RARB: variants seen among roughly 807,000 people sequenced by gnomAD.
RARB encodes HBV-activated protein.
RARB carries 17 observed loss-of-function variants against 51.9 expected under a neutral mutation model. The ratio of observed to expected loss-of-function variants is 0.33; its 90% CI spans 0.22 to 0.49. RARB has a LOEUF of 0.49. Among genes scored for constraint, RARB ranks in the 20% least tolerant of loss-of-function variants. The pLI is 0.99. For missense variants in RARB, 369 were observed against 550.8 expected (o/e 0.67, Z 3.30); for synonymous variants, 215 against 195.4 (o/e 1.10, Z -0.84).
intron 5 of RARB, among the ~76,000 whole-genome samples, chr3:25,403,160 C>CAA (rs532977113): frequency 0.21 from 18,317 of 86,090 alleles, 1,393 homozygotes; most frequent in South Asian, 0.27. Context: ...GACTGCATCT[C>CAA]AAAAAAAAAA....
intron 5 of RARB, among the ~76,000 whole-genome samples, chr3:25,338,136 G>T (rs983576143): frequency 2.4e-5 from 3 of 123,784 alleles, no homozygotes; most frequent in Admixed American, 1.6e-4. Context: ...CACACACACA[G>T]AATTAAGCAA....
intron 2 of RARB, among the ~76,000 whole-genome samples, chr3:25,478,114 G>A (rs995912408): frequency 6.6e-6 from 1 of 152,170 alleles, no homozygotes; most frequent in Non-Finnish European, 1.5e-5. Context: ...GAAGGTTGCA[G>A]AGGACAAGGT....
intron 5 of RARB, among the ~76,000 whole-genome samples, chr3:25,316,067 C>T (rs1704416395): frequency 6.6e-6 from 1 of 152,240 alleles, no homozygotes; most frequent in African/African-American, 2.4e-5. Flanking sequence ...AGAATATGCT[C>T]AGAAATATTT....
At chr3:25,581,497 C>T (rs1559478465) in intron 5 of RARB, among the ~76,000 whole-genome samples, 1 of 152,156 alleles carries the variant, frequency 6.6e-6, no homozygotes, top group African/African-American at 2.4e-5. Flanking sequence ...CCCTTACCCT[C>T]TTTAAGGCTC....
chr3:24,882,923 G>A (rs142535802), intron 2 of RARB, among the ~76,000 whole-genome samples: 136 of 152,308 alleles, frequency 8.9e-4, no homozygotes, highest in African/African-American at 2.7e-3. Flanking sequence ...TGGTGGTGGT[G>A]AGGGGGTATA....
chr3:24,938,047 C>T (rs1307223441), intron 2 of RARB, among the ~76,000 whole-genome samples: 1 of 151,914 alleles, frequency 6.6e-6, no homozygotes, highest in Non-Finnish European at 1.5e-5. Flanking sequence ...CACATGCGCA[C>T]ACACACTCTT....
intron 5 of RARB, among the ~76,000 whole-genome samples, chr3:25,362,216 G>A (rs1254146465): frequency 1.3e-5 from 2 of 152,204 alleles, no homozygotes; most frequent in Non-Finnish European, 2.9e-5. Flanking sequence ...GAGGCAGTCT[G>A]GCTACAGCAG....
At chr3:25,157,153 G>C (rs981327146) in intron 4 of RARB, among the ~76,000 whole-genome samples, 4 of 152,068 alleles carry the variant, frequency 2.6e-5, no homozygotes, top group African/African-American at 9.7e-5. Context: ...AAACAATAAG[G>C]TATCTGTTCA....
chr3:25,158,275 C>T (rs6550953), intron 4 of RARB, among the ~76,000 whole-genome samples: 114,067 of 152,106 alleles, frequency 0.75, 42,892 homozygotes, highest in Admixed American at 0.8. Context: ...AACCAAATCA[C>T]CCTTCAATTA....
intron 5 of RARB, among the ~76,000 whole-genome samples, chr3:25,208,721 C>A (rs1701621139): frequency 6.6e-6 from 1 of 152,042 alleles, no homozygotes; most frequent in African/African-American, 2.4e-5. Flanking sequence ...AATGTATTTC[C>A]TTTCTTAAAG....
intron 5 of RARB, among the ~76,000 whole-genome samples, chr3:25,399,112 T>C (rs1459046758): frequency 6.6e-6 from 1 of 152,162 alleles, no homozygotes; most frequent in Non-Finnish European, 1.5e-5. Flanking sequence ...GGAAGATACA[T>C]AGACCTGATC....
At chr3:25,370,971 A>T (rs1034261625) in intron 5 of RARB, among the ~76,000 whole-genome samples, 1 of 152,152 alleles carries the variant, frequency 6.6e-6, no homozygotes, top group African/African-American at 2.4e-5. Flanking sequence ...CTGTCTTCAC[A>T]TGGCCCTCTT....
chr3:25,440,664 T>C (rs768812527), intron 1 of RARB, among the ~76,000 whole-genome samples: 10 of 151,840 alleles, frequency 6.6e-5, no homozygotes, highest in Non-Finnish European at 8.8e-5. Flanking sequence ...TCCCAGCTGC[T>C]CAGGAGGCTG....
At chr3:25,496,287 T>C (rs1456619985) in intron 2 of RARB, among the ~76,000 whole-genome samples, 1 of 152,166 alleles carries the variant, frequency 6.6e-6, no homozygotes, top group Non-Finnish European at 1.5e-5. Context: ...TGTTGAAAAA[T>C]TGAAACATTT....
At chr3:24,955,725 A>G (rs754277708) in intron 2 of RARB, among the ~76,000 whole-genome samples, 2 of 151,958 alleles carry the variant, frequency 1.3e-5, no homozygotes, top group African/African-American at 4.8e-5. Flanking sequence ...GATGTTAACA[A>G]TTTTTTTCGG....
At chr3:24,899,943 C>A (rs1195603634) in intron 2 of RARB, among the ~76,000 whole-genome samples, 2 of 151,092 alleles carry the variant, frequency 1.3e-5, no homozygotes, top group East Asian at 1.9e-4. Context: ...TGCCTGAATT[C>A]TGTGATTACA....
At chr3:25,063,200 G>A (rs541011001) in intron 3 of RARB, among the ~76,000 whole-genome samples, 11 of 152,090 alleles carry the variant, frequency 7.2e-5, no homozygotes, top group Middle Eastern at 6.8e-3. Context: ...TATACCAATG[G>A]TGGTACCTGC....
chr3:25,130,329 C>G (rs1335276476), intron 3 of RARB, among the ~76,000 whole-genome samples: 2 of 152,036 alleles, frequency 1.3e-5, no homozygotes, highest in African/African-American at 2.4e-5. Context: ...CCTAAACATA[C>G]AGCGTTCCCT....
chr3:25,238,378 A>G (rs895794745), intron 5 of RARB, among the ~76,000 whole-genome samples: 1 of 152,176 alleles, frequency 6.6e-6, no homozygotes, highest in Admixed American at 6.6e-5. Context: ...TATATACCAT[A>G]TAGACCAAAT....
Sources: gnomAD v4.1 joint callset for allele counts (sites outside exome capture counted in the v4.1 genomes callset) on GRCh38, gnomAD v4.1.1 for gene constraint, MANE v1.5 for transcripts, NCBI Gene and HGNC (gene_info 2026-07-23, HGNC 2026-07-21) for gene names.